Variants in PLEKHH3 observed in about 807,000 individuals in gnomAD.
PLEKHH3 encodes the protein pleckstrin homology domain-containing family H member 3.
PLEKHH3 carries 57 observed loss-of-function variants against 77.8 expected under a neutral mutation model. That is an observed-to-expected ratio of 0.73 (90% confidence interval 0.59 to 0.91). PLEKHH3 has a LOEUF of 0.91. Ranked by LOEUF, PLEKHH3 falls within the 40% of genes least tolerant of loss-of-function variation. PLEKHH3 has a pLI of 0.00. For missense variants in PLEKHH3, 1,082 were observed against 1,091.2 expected (o/e 0.99, Z 0.12); for synonymous variants, 467 against 504.8 (o/e 0.93, Z 1.00).
rs1342769460 is a variant in PLEKHH3 at position 42,667,919 on chromosome 17, G to C, written c.*208C>G. The C allele has an allele frequency of 2.5e-6, 1 of 397,490 alleles. No homozygotes were observed. The highest frequency in any genetic ancestry group is 4.9e-5 in the Admixed American group (1 of 20,496). 24.6% of individuals were successfully genotyped at this position (397,490 alleles called of 1,614,324 possible). A position where few individuals can be genotyped will look rare whatever the true frequency, so the allele number is the denominator to read the frequency against. On this transcript the variant is annotated 3_prime_UTR_variant, in exon 13 of 13. Transcript: ENST00000591022. ...TAACACTCCCACAGGAAGGGTTTGT[G>C]TAAATAAGAAACTTTTTTTTTTTTT...
At chr17:42,670,528 A>T (rs1392050749) in intron 10 of PLEKHH3, 45 bp downstream of exon 10, 4 of 1,570,716 alleles carry the variant, frequency 2.5e-6, no homozygotes, top group Non-Finnish European at 3.5e-6. Context: ...CCAGGGGTTC[A>T]GGCTTGGGGG....
At position 42,671,469 on chromosome 17, in the gene PLEKHH3, A is replaced by G. The variant is rs746616225; in HGVS notation, c.1166T>C (p.Val389Ala). Residue 389 changes from valine to alanine, a missense_variant, in exon 8 of 13, where the codon GTG becomes GCG. Coordinates refer to ENST00000591022, the MANE Select transcript of PLEKHH3 (RefSeq NM_024927.5). The surrounding 1 kb of genome is among the most constrained non-coding windows in gnomAD (Gnocchi z 4.7). ...CGCGGAAATCTCCGCCAGCGAGGGC[A>G]CCAGCTCTCTGCCGCGCGTCCGGCC... ...ALGRTRGREL[V>A]PSLAEISALS... 6.2e-7 allele frequency: 1 copy of G among 1,613,172 alleles called. No individual in the cohort carries two copies.
chr17:42,676,180 C>G lies in PLEKHH3; in HGVS notation c.162+222G>C. On this transcript the variant is annotated intron_variant, in intron 1 of 12. Transcript: ENST00000591022. The surrounding 1 kb of genome is among the most constrained non-coding windows in gnomAD (Gnocchi z 6.6). ...GCCTCCCCTGCCTCAGGGCCCCCAG[C>G]AGGTGGATAGCGCCCAGCCTGCAGC... The G allele has an allele frequency of 2.9e-6, 4 of 1,380,548 alleles. No homozygotes were observed. The highest frequency in any genetic ancestry group is 3.8e-6 in the Non-Finnish European group (4 of 1,063,356). The allele number at this position is 1,380,548 out of a possible 1,614,324, so 85.5% of individuals were successfully genotyped here. A position where few individuals can be genotyped will look rare whatever the true frequency, so the allele number is the denominator to read the frequency against.
rs931195555 is a variant in PLEKHH3 at position 42,668,168 on chromosome 17, GC to G, written c.2340del (p.Glu780AspfsTer34). ...SPPSQRPGLD[E>X]PQGQSGCLGQ... is the part of the protein sequence containing the mutation. ...CCCAAGCAGCCAGACTGTCCCTGGG[GC>G]TCGTCCAGGCCCGGGCGCTGGCTGG... On this transcript the variant is annotated frameshift_variant, in exon 13 of 13. Coordinates refer to ENST00000591022, the MANE Select transcript of PLEKHH3 (RefSeq NM_024927.5). LOFTEE classifies it high-confidence loss of function. The G allele has an allele frequency of 2.0e-6, 3 of 1,511,760 alleles. No individual in the cohort carries two copies. The African/African-American group carries it at 4.3e-5, about 22-fold the overall frequency. The allele number at this position is 1,511,760 out of a possible 1,614,324, so 93.6% of individuals were successfully genotyped here. A position where few individuals can be genotyped will look rare whatever the true frequency, so the allele number is the denominator to read the frequency against.
At position 42,668,253 on chromosome 17, in the gene PLEKHH3, G is replaced by A. The variant is rs139886967; in HGVS notation, c.2256C>T (p.Pro752=). The A allele has an allele frequency of 2.8e-5, 43 of 1,558,710 alleles. 1 individual carries two copies. The highest frequency in any genetic ancestry group is 8.3e-5 in the South Asian group (7 of 83,954). Residue 752 remains proline, a synonymous_variant, in exon 13 of 13, where the codon CCC becomes CCT. Transcript: ENST00000591022. The stretch of plus-strand genomic sequence containing the variant: ...GAGAAGAGCTGCTGCAGGGCCTCTC[G>A]GGGGAGGGGTTGGCCAAGTAGGCAT... ...LVNAYLANPS[P]ERPCSSSSPP...
chr17:42,676,071 C>A lies in PLEKHH3; in HGVS notation c.162+331G>T. 1 of 1,188,340 alleles carries A rather than the reference C, an allele frequency of 8.4e-7. No homozygotes were observed. The highest frequency in any genetic ancestry group is 1.0e-6 in the Non-Finnish European group (1 of 956,502). 73.6% of individuals were successfully genotyped at this position (1,188,340 alleles called of 1,614,324 possible). On this transcript the variant is annotated intron_variant, in intron 1 of 12. Coordinates refer to ENST00000591022, the MANE Select transcript of PLEKHH3 (RefSeq NM_024927.5). This position sits in a 1 kb window ranked among gnomAD's most constrained non-coding sequence, Gnocchi z 6.6. ...CAGCCGGCCTCGCCACATTCCTCGG[C>A]GCTGGCGGAGGCGGAAGGAGACGGG...
Position 42,676,114 on chromosome 17 carries a change from CG to C in PLEKHH3, c.162+287del, listed in dbSNP as rs1045710994. ...GAGACGGGATGGGACGCGGGCCCAG[CG>C]GGGAAGGGAGAGGCAGGGCCAGGTC... On this transcript the variant is annotated intron_variant, in intron 1 of 12. Transcript: ENST00000591022. The surrounding 1 kb of genome is among the most constrained non-coding windows in gnomAD (Gnocchi z 6.6). 4 of 1,271,382 alleles carry C rather than the reference CG, an allele frequency of 3.1e-6. No individual in the cohort carries two copies. The Admixed American group carries it at 1.2e-4, about 37-fold the overall frequency. The allele number at this position is 1,271,382 out of a possible 1,614,324, so 78.8% of individuals were successfully genotyped here.
At position 42,672,183 on chromosome 17, in the gene PLEKHH3, G is replaced by T. The variant is rs1356703937; in HGVS notation, c.979C>A (p.Pro327Thr). 2 of 1,551,154 alleles carry T rather than the reference G, an allele frequency of 1.3e-6. No individual in the cohort carries two copies. The highest frequency in any genetic ancestry group is 4.9e-5 in the East Asian group (2 of 41,096). The change falls in exon 7 of 13, where the codon CCT (proline) becomes ACT (threonine). Residue 327 changes from proline to threonine, a missense_variant. Pro to Thr is a conservative substitution (Grantham distance 38). Coordinates refer to ENST00000591022, the MANE Select transcript of PLEKHH3 (RefSeq NM_024927.5). ...AGTTGCCAGTACCGCAGGGCCGCAG[G>T]GTCTTGGGTAGCCGGGAGCCCGGGG... ...GPPGLPATQD[P>T]AALRYWQLLT...
chr17:42,673,556 C>A lies in PLEKHH3; in HGVS notation c.491G>T (p.Gly164Val). The A allele has an allele frequency of 6.3e-6, 10 of 1,589,846 alleles. No individual in the cohort carries two copies. Among genetic ancestry groups the A allele is most frequent in the Non-Finnish European group, 8.5e-6 (10 of 1,170,338 alleles). The change falls in exon 5 of 13, where the codon GGT becomes GTT. Residue 164 changes from glycine to valine, a missense_variant and splice_region_variant. Physicochemically the swap from Gly to Val is moderately radical, Grantham distance 109. Around this residue, in one of 3 missense-constraint regions of PLEKHH3, gnomAD observed 344 missense variants for 320.8 expected, o/e 1.07. Transcript: ENST00000591022. ...TGPERRRKET[G>V]LWSVTVSGRK... ...ACCAGACACAGTCACTGACCACAGA[C>A]CTGGGGAAAAGAGAGGCCAGGGAGG...
At position 42,673,260 on chromosome 17, in the gene PLEKHH3, A is replaced by T. The variant is rs1265571797; in HGVS notation, c.685T>A (p.Tyr229Asn). The T allele has an allele frequency of 6.3e-7, 1 of 1,596,952 alleles. No homozygotes were observed. The highest frequency in any genetic ancestry group is 1.4e-5 in the African/African-American group (1 of 73,530). Residue 229 changes from tyrosine (Y) to asparagine (N), a missense_variant, in exon 6 of 13, where the codon TAC (tyrosine) becomes AAC (asparagine). Coordinates refer to ENST00000591022, the MANE Select transcript of PLEKHH3 (RefSeq NM_024927.5). ...TGTCTCAGAATCGGGTTCCTCAGGT[A>T]AATGAGGGCAACGGCCTCTGGGTCC... ...CGDPEAVALIYLRNPILRHTS... is the reference protein window; with the variant it reads ...CGDPEAVALINLRNPILRHTS...
Position 42,669,993 on chromosome 17 carries a change from C to T in PLEKHH3, c.1938G>A (p.Met646Ile), listed in dbSNP as rs1179720184. The T allele has an allele frequency of 6.2e-7, 1 of 1,608,288 alleles. No individual in the cohort carries two copies. The highest frequency in any genetic ancestry group is 1.1e-5 in the South Asian group (1 of 90,620). ...GCGCCGCCAGGGCCAGGTAGGCGGC[C>T]ATGGCCTCAGCTCGGCCCATGCCCC... Reference protein sequence around the residue: ...RLRGMGRAEAMAAYLALAAQC... With the variant: ...RLRGMGRAEAIAAYLALAAQC... Residue 646 changes from methionine (M) to isoleucine (I), a missense_variant, in exon 11 of 13, where the codon ATG becomes ATA. Coordinates refer to ENST00000591022, the MANE Select transcript of PLEKHH3 (RefSeq NM_024927.5).
Position 42,673,801 on chromosome 17 carries a change from G to T in PLEKHH3, c.332C>A (p.Ala111Glu), listed in dbSNP as rs773304085. ...TCGGCGCGGGGGCAGCCAGGGCCGC[G>T]CCCCTCCTCCGCGGGGCTCCCGGTA... is the stretch of plus-strand genomic sequence containing the variant. Reference protein sequence around the residue: ...WLYREPRGGGARPWLPPRRAW... With the variant: ...WLYREPRGGGERPWLPPRRAW... Residue 111 changes from alanine to glutamate, a missense_variant, in exon 4 of 13, where the codon GCG becomes GAG. By Grantham distance (107) the Ala-to-Glu change is moderately radical. This residue lies in a region of PLEKHH3 where 344 missense variants were observed against 320.8 expected (regional missense o/e 1.07). Coordinates refer to ENST00000591022, the MANE Select transcript of PLEKHH3 (RefSeq NM_024927.5). 6.3e-7 allele frequency: 1 copy of T among 1,589,364 alleles called. No homozygotes were observed.
chr17:42,675,804 A>T, intron 1 of PLEKHH3: 3 of 911,654 alleles, frequency 3.3e-6, no homozygotes, highest in Non-Finnish European at 3.9e-6. Flanking sequence ...CTCACCATCC[A>T]TCCCCTCAGG....
In PLEKHH3 at chr17:42,669,960, C is replaced by G. The variant is rs1298852780; in HGVS notation, c.1971G>C (p.Pro657=). 6.2e-7 allele frequency: 1 copy of G among 1,613,028 alleles called. No homozygotes were observed. Among genetic ancestry groups the G allele is most frequent in the Non-Finnish European group, 8.5e-7 (1 of 1,179,880 alleles). ...AAYLALAAQC[P]GFGAARYDVL... ...CGTCATACCGAGCAGCGCCGAACCC[C>G]GGACACTGCGCCGCCAGGGCCAGGT... The change falls in exon 11 of 13, where the codon CCG becomes CCC. Residue 657 remains proline, a synonymous_variant. Coordinates refer to ENST00000591022, the MANE Select transcript of PLEKHH3 (RefSeq NM_024927.5).
intron 6 of PLEKHH3, 76 bp from the exon 7 acceptor site, chr17:42,672,468 A>C: frequency 8.2e-7 from 1 of 1,218,590 alleles, no homozygotes. Context: ...GGCATGAACC[A>C]GGGGAAGGTC....
rs571544755 is a variant in PLEKHH3, at chr17:42,669,429, C to G, written c.2205+1G>C. On this transcript the variant is annotated splice_donor_variant, in intron 12 of 12. Transcript: ENST00000591022. LOFTEE classifies it high-confidence loss of function. ...CTCCCACAACTCCTCTTCTCACTCA[C>G]CTGGGGGCTCTGCAGGAGGAGCTGG... 6.5e-7 allele frequency: 1 copy of G among 1,536,512 alleles called. No homozygotes were observed. The highest frequency in any genetic ancestry group is 1.2e-5 in the South Asian group (1 of 80,136).
Position 42,673,300 on chromosome 17 carries a change from G to A in PLEKHH3, c.649-4C>T, listed in dbSNP as rs753386192. 20 of 1,597,644 alleles carry A rather than the reference G, an allele frequency of 1.3e-5. No homozygotes were observed. Among genetic ancestry groups the A allele is most frequent in the Non-Finnish European group, 1.7e-5 (20 of 1,175,414 alleles). On this transcript the variant is annotated splice_polypyrimidine_tract_variant and splice_region_variant and intron_variant, in intron 5 of 12. Coordinates refer to ENST00000591022, the MANE Select transcript of PLEKHH3 (RefSeq NM_024927.5). The stretch of plus-strand genomic sequence containing the variant: ...CCTCTGGGTCCCCGCAACTTTCCTA[G>A]GGGGCCAGGGAGAGGGTCACCTTGA...
In PLEKHH3 at chr17:42,669,467, C is replaced by A; in HGVS notation, c.2168G>T (p.Arg723Met). 6.3e-7 allele frequency: 1 copy of A among 1,581,800 alleles called. No homozygotes were observed. Residue 723 changes from arginine (R) to methionine (M), a missense_variant, in exon 12 of 13, where the codon AGG becomes ATG. Transcript: ENST00000591022. Reference sequence around the variant, plus strand: ...CAGGAGGAGCTGGCTCTCTCCCACCCTCAAGGCCAGGGTGTGGGGGCCCAT... The same window carrying A: ...CAGGAGGAGCTGGCTCTCTCCCACCATCAAGGCCAGGGTGTGGGGGCCCAT... ...QLMGPHTLAL[R>M]VGESQLLLQS... is the part of the protein sequence containing the mutation.
In PLEKHH3 at chr17:42,669,953, C is replaced by T. The variant is rs549708577; in HGVS notation, c.1978G>A (p.Gly660Ser). 25 of 1,613,288 alleles carry T rather than the reference C, an allele frequency of 1.5e-5. No homozygotes were observed. The Admixed American group carries it at 1.7e-4, about 11-fold the overall frequency. The stretch of plus-strand genomic sequence containing the variant: ...TCCAGAACGTCATACCGAGCAGCGC[C>T]GAACCCCGGACACTGCGCCGCCAGG... ...LALAAQCPGF[G>S]AARYDVLELS... The change falls in exon 11 of 13, where the codon GGC becomes AGC. Residue 660 changes from glycine (G) to serine (S), a missense_variant. Gly to Ser is a moderately conservative substitution (Grantham distance 56, BLOSUM62 0). Around this residue, in one of 3 missense-constraint regions of PLEKHH3, gnomAD observed 733 missense variants for 750.0 expected, o/e 0.98. Transcript: ENST00000591022.
Sources: allele counts gnomAD v4.1 joint callset, GRCh38; gene constraint gnomAD v4.1.1; regional missense constraint gnomAD v4.1.1; non-coding constraint Gnocchi (gnomAD v3.1); transcripts MANE v1.5; gene names NCBI Gene and HGNC (gene_info 2026-07-23, HGNC 2026-07-21).